The following SNX29 variants were observed in gnomAD, a reference collection of about 807,000 sequenced individuals.
SNX29 encodes sorting nexin 29, also known as sorting nexin-29.
Under a neutral mutation model 102.1 loss-of-function variants are expected in SNX29, and 78 were observed. The ratio of observed to expected loss-of-function variants is 0.76; its 90% CI spans 0.64 to 0.92. The LOEUF is 0.92. Ranked by LOEUF, SNX29 falls within the 40% of genes least tolerant of loss-of-function variation. The pLI is 0.00. For synonymous variants in SNX29, 580 were observed against 414.5 expected (o/e 1.40, Z -4.85); for missense variants, 1,280 against 1,061.7 (o/e 1.21, Z -2.86).
In SNX29 at chr16:12,568,660, G is replaced by A. The variant is rs775055176; in HGVS notation, c.*31G>A. Reference sequence around the variant, plus strand: ...ACAAAACCGCAGCCACGGGCCCTGTGCGTGGCACCAGCTGCGTCCACCCCA... The same window carrying A: ...ACAAAACCGCAGCCACGGGCCCTGTACGTGGCACCAGCTGCGTCCACCCCA... On this transcript the variant is annotated 3_prime_UTR_variant, in exon 21 of 21. Coordinates refer to ENST00000566228, the MANE Select transcript of SNX29 (RefSeq NM_032167.5). 24 of 1,596,720 alleles carry A rather than the reference G, an allele frequency of 1.5e-5. No homozygotes were observed. The highest frequency in any genetic ancestry group is 8.5e-6 in the Non-Finnish European group (10 of 1,178,154).
At chr16:12,150,656 G>C (rs953189305) in intron 13 of SNX29, among the ~76,000 whole-genome samples, 2 of 152,218 alleles carry the variant, frequency 1.3e-5, no homozygotes, top group African/African-American at 4.8e-5. Flanking sequence ...CACATCTTGA[G>C]ATAGTGTGCG....
At chr16:12,264,183 T>A (rs2078858715) in intron 14 of SNX29, among the ~76,000 whole-genome samples, 1 of 152,262 alleles carries the variant, frequency 6.6e-6, no homozygotes, top group African/African-American at 2.4e-5. Flanking sequence ...CCCCAGCCCC[T>A]GTGCCTTTTG....
At chr16:12,484,206 C>T (rs1342795037) in intron 19 of SNX29, among the ~76,000 whole-genome samples, 3 of 152,002 alleles carry the variant, frequency 2.0e-5, no homozygotes, top group Admixed American at 6.6e-5. Flanking sequence ...TGGAGTGTAG[C>T]GGTGCGATCA....
chr16:12,395,785 C>T (rs1014051195), intron 16 of SNX29, among the ~76,000 whole-genome samples: 1 of 152,070 alleles, frequency 6.6e-6, no homozygotes, highest in Admixed American at 6.6e-5. Context: ...CTGCTCCACA[C>T]TCTTTATTGC....
chr16:12,167,788 C>T (rs142189740), intron 13 of SNX29, among the ~76,000 whole-genome samples: 1 of 152,150 alleles, frequency 6.6e-6, no homozygotes, highest in Non-Finnish European at 1.5e-5. Context: ...GATTCTACAT[C>T]AGGGGTTGGC....
At chr16:12,449,989 G>A (rs764916543) in intron 18 of SNX29, among the ~76,000 whole-genome samples, 4 of 152,110 alleles carry the variant, frequency 2.6e-5, no homozygotes, top group African/African-American at 4.8e-5. Context: ...CATGGGGGGC[G>A]GTTCCCCCAT....
chr16:12,397,513 G>T (rs990880721), intron 16 of SNX29, among the ~76,000 whole-genome samples: 1 of 152,128 alleles, frequency 6.6e-6, no homozygotes, highest in Non-Finnish European at 1.5e-5. Flanking sequence ...GAGGTAAAAG[G>T]TGTAAATTCA....
At chr16:12,462,272 C>G (rs2086840493) in intron 18 of SNX29, among the ~76,000 whole-genome samples, 1 of 151,560 alleles carries the variant, frequency 6.6e-6, no homozygotes, top group African/African-American at 2.4e-5. Context: ...CTCTTTTTTC[C>G]TGAAGGATAG....
chr16:12,466,253 C>T (rs1367256311), intron 18 of SNX29, among the ~76,000 whole-genome samples: 1 of 152,080 alleles, frequency 6.6e-6, no homozygotes, highest in African/African-American at 2.4e-5. Context: ...CTTAAAGATG[C>T]CACCAAAACA....
chr16:12,541,935 G>A (rs957839369), intron 20 of SNX29, among the ~76,000 whole-genome samples: 7 of 152,308 alleles, frequency 4.6e-5, no homozygotes, highest in Admixed American at 1.3e-4. Context: ...GGTACATCCT[G>A]GGCCCACACA....
intron 13 of SNX29, among the ~76,000 whole-genome samples, chr16:12,181,040 G>T (rs1403465470): frequency 6.6e-6 from 1 of 152,168 alleles, no homozygotes; most frequent in East Asian, 1.9e-4. Context: ...CTGGAAGGGA[G>T]TCCTGACAGT....
rs1001608852 is a variant in SNX29, at chr16:12,571,549, G to A, written c.*2920G>A. 4 of 973,456 alleles carry A rather than the reference G, an allele frequency of 4.1e-6. No individual in the cohort carries two copies. In the African/African-American group the frequency reaches 5.1e-5, roughly 12 times the overall value. The allele number at this position is 973,456 out of a possible 1,614,324, so 60.3% of individuals were successfully genotyped here. On this transcript the variant is annotated 3_prime_UTR_variant, in exon 21 of 21. Transcript: ENST00000566228. ...TGGGACCACCCTTTGCTGGGAGGAA[G>A]AATCCACACCGAATCCTTCTGTCTT...
chr16:12,137,814 G>A (rs2054716650), intron 13 of SNX29, among the ~76,000 whole-genome samples: 2 of 152,208 alleles, frequency 1.3e-5, no homozygotes, highest in Non-Finnish European at 2.9e-5. Context: ...TTGAATTATG[G>A]GGAATACTGG....
chr16:12,486,075 C>G (rs1175689374), intron 19 of SNX29, among the ~76,000 whole-genome samples: 1 of 152,228 alleles, frequency 6.6e-6, no homozygotes, highest in East Asian at 1.9e-4. Flanking sequence ...GGCTGCATTT[C>G]TTTCTAGAGA....
chr16:12,279,232 A>G (rs1249070668), intron 15 of SNX29, among the ~76,000 whole-genome samples: 1 of 152,204 alleles, frequency 6.6e-6, no homozygotes, highest in African/African-American at 2.4e-5. Flanking sequence ...GTGTAGACAT[A>G]CCTGAGCTTG....
rs1348772521 is a variant in SNX29 at position 12,569,118 on chromosome 16, TTTGCG to T, written c.*490_*494del. The T allele has an allele frequency of 1.7e-3, 37 of 21,398 alleles. No homozygotes were observed. Among genetic ancestry groups the T allele is most frequent in the African/African-American group, 1.7e-3 (3 of 1,796 alleles). The allele number at this position is 21,398 out of a possible 1,614,324, so 1.3% of individuals were successfully genotyped here. On this transcript the variant is annotated 3_prime_UTR_variant, in exon 21 of 21. Transcript: ENST00000566228. The stretch of plus-strand genomic sequence containing the variant: ...CTGGCCTAACCTAGGGATGGCTGGC[TTTGCG>T]GGGGGGGGGGGGGGGGGGGGCATGG...
At chr16:12,327,480 C>A (rs1159300588) in intron 15 of SNX29, among the ~76,000 whole-genome samples, 6 of 152,226 alleles carry the variant, frequency 3.9e-5, no homozygotes, top group Admixed American at 6.5e-5. Context: ...CGGCCGTCTT[C>A]CCACTGTGGT....
At chr16:12,518,414 C>T (rs1330015137) in intron 19 of SNX29, among the ~76,000 whole-genome samples, 1 of 152,182 alleles carries the variant, frequency 6.6e-6, no homozygotes, top group East Asian at 1.9e-4. Context: ...TTTCTTCTTG[C>T]ATTTGCTGTT....
chr16:12,471,672 G>A (rs558197835), intron 18 of SNX29, among the ~76,000 whole-genome samples: 126 of 152,232 alleles, frequency 8.3e-4, no homozygotes, highest in Non-Finnish European at 1.6e-3. Context: ...TCACTCTCCC[G>A]AGGACAGCGA....
Sources: allele counts gnomAD v4.1 joint callset (sites outside exome capture counted in the v4.1 genomes callset), GRCh38; gene constraint gnomAD v4.1.1; transcripts MANE v1.5; gene names NCBI Gene and HGNC (gene_info 2026-07-23, HGNC 2026-07-21).